DOCK2: variants seen among roughly 807,000 people sequenced by gnomAD.
The protein encoded by DOCK2 is dedicator of cytokinesis protein 2.
A neutral mutation model predicts 248.9 loss-of-function variants in DOCK2; 87 were observed. The observed-to-expected ratio is 0.35, with a 90% CI of 0.29 to 0.42. The LOEUF is 0.42. DOCK2 is among the 10% of genes least tolerant of loss of function. DOCK2 has a pLI of 1.00. For synonymous variants in DOCK2, 805 were observed against 821.6 expected (o/e 0.98, Z 0.35); for missense variants, 1,747 against 2,300.2 (o/e 0.76, Z 4.92).
intron 27 of DOCK2, among the ~76,000 whole-genome samples, chr5:169,845,364 G>A (rs1010910304): frequency 6.6e-6 from 1 of 151,996 alleles, no homozygotes; most frequent in East Asian, 1.9e-4. Context: ...TTATGACATT[G>A]TAAGGCAATT....
At chr5:170,080,309 G>A in intron 50 of DOCK2, 26 bp downstream of exon 50, 1 of 1,613,542 alleles carries the variant, frequency 6.2e-7, no homozygotes, top group Non-Finnish European at 8.5e-7. Flanking sequence ...CCACCAGCAT[G>A]AGGGAGTAGA....
intron 27 of DOCK2, among the ~76,000 whole-genome samples, chr5:169,855,710 A>G (rs1169790622): frequency 6.6e-6 from 1 of 152,210 alleles, no homozygotes; most frequent in Non-Finnish European, 1.5e-5. Flanking sequence ...CAATTAAACT[A>G]AACAACACTT....
intron 27 of DOCK2, among the ~76,000 whole-genome samples, chr5:169,978,386 T>TGGGGG (rs1561863630): frequency 3.6e-4 from 6 of 16,712 alleles, no homozygotes; most frequent in South Asian, 2.7e-3. Context: ...TGTGTGTGTG[T>TGGGGG]GTGTGTGGGG....
rs1244479879 is a variant in DOCK2 at position 169,691,802 on chromosome 5, C to T, written c.843+2469C>T. Among the ~76,000 whole-genome samples the T allele has an allele frequency of 2.0e-5, 3 of 152,086 alleles. No homozygotes were observed. In the East Asian group the frequency reaches 5.8e-4, roughly 29 times the overall value. ...CTCTGAGCCTGGCATGTGGGTCCAG[C>T]TGACTGTTGACTTTCCCTATGTTTT... On this transcript the variant is annotated intron_variant, in intron 9 of 51. Transcript: ENST00000520908.
rs113912915 is a variant in DOCK2, at chr5:169,748,116, C to T, written c.2376+612C>T. Among the ~76,000 whole-genome samples the T allele has an allele frequency of 4.2e-4, 64 of 151,262 alleles. 1 individual carries two copies. Among genetic ancestry groups the T allele is most frequent in the African/African-American group, 1.3e-3 (52 of 41,088 alleles). On this transcript the variant is annotated intron_variant, in intron 23 of 51. Transcript: ENST00000520908. ...GAGTGCCTGATGTGCTGTGAATAAACGAAGCCCAAACACATTTATCTAAAT... is the reference window on the plus strand; with the variant it reads ...GAGTGCCTGATGTGCTGTGAATAAATGAAGCCCAAACACATTTATCTAAAT...
rs187049078 is a variant in DOCK2 at position 169,788,565 on chromosome 5, C to G, written c.2555-14493C>G. Among the ~76,000 whole-genome samples the G allele has an allele frequency of 9.9e-5, 15 of 152,280 alleles. No individual in the cohort carries two copies. In the East Asian group the frequency reaches 2.5e-3, roughly 26 times the overall value. ...GCTATGGTTCCTGCAAGGAATTTGT[C>G]CTCTTCTATCCTAATGATCAACAAA... On this transcript the variant is annotated intron_variant, in intron 25 of 51. Coordinates refer to ENST00000520908, the MANE Select transcript of DOCK2 (RefSeq NM_004946.3).
Position 169,853,091 on chromosome 5 carries a change from A to G in DOCK2, c.2799+12239A>G, listed in dbSNP as rs553060598. On this transcript the variant is annotated intron_variant, in intron 27 of 51. Transcript: ENST00000520908. ...GTTTTCATGGTAGTGAATAAGTCTC[A>G]TGAGATCTGATGGCTTTAAAAAGGG... Among the ~76,000 whole-genome samples the G allele has an allele frequency of 5.3e-5, 8 of 152,364 alleles. No individual in the cohort carries two copies. The East Asian group carries it at 1.5e-3, about 29-fold the overall frequency.
At chr5:170,023,063 A>G (rs1341815499) in intron 33 of DOCK2, among the ~76,000 whole-genome samples, 1 of 152,076 alleles carries the variant, frequency 6.6e-6, no homozygotes, top group East Asian at 1.9e-4. Context: ...GGTGTTCTGG[A>G]TGCTATTGGT....
At chr5:169,683,028 C>T (rs1759754653) in intron 7 of DOCK2, among the ~76,000 whole-genome samples, 2 of 152,136 alleles carry the variant, frequency 1.3e-5, no homozygotes, top group Non-Finnish European at 2.9e-5. Flanking sequence ...ATAGCATTGA[C>T]CAATTATTGG....
chr5:169,829,585 G>A (rs569387397), intron 26 of DOCK2, among the ~76,000 whole-genome samples: 13 of 152,188 alleles, frequency 8.5e-5, no homozygotes, highest in South Asian at 2.1e-4. Context: ...CGTTAGGACC[G>A]TGTAGGTACA....
At chr5:169,915,557 AAC>A (rs56728646) in intron 27 of DOCK2, among the ~76,000 whole-genome samples, 6,776 of 143,298 alleles carry the variant, frequency 0.047, 220 homozygotes, top group African/African-American at 0.082. Flanking sequence ...ATTGACAGGG[AAC>A]ACACACACAC....
At chr5:169,893,048 C>T (rs1326835937) in intron 27 of DOCK2, among the ~76,000 whole-genome samples, 1 of 152,166 alleles carries the variant, frequency 6.6e-6, no homozygotes, top group Non-Finnish European at 1.5e-5. Context: ...CCTCTCTAGC[C>T]CCTTCTCTTG....
chr5:169,812,346 T>C (rs1271778392), intron 26 of DOCK2, among the ~76,000 whole-genome samples: 1 of 152,234 alleles, frequency 6.6e-6, no homozygotes, highest in Non-Finnish European at 1.5e-5. Context: ...CCTATCCCCC[T>C]GAGACGGGAC....
chr5:169,854,138 A>G (rs999929711), intron 27 of DOCK2, among the ~76,000 whole-genome samples: 1 of 150,046 alleles, frequency 6.7e-6, no homozygotes, highest in African/African-American at 2.4e-5. Flanking sequence ...CAACTTTGAC[A>G]CTATTTCTTT....
At position 169,702,419 on chromosome 5, in the gene DOCK2, A is replaced by G; in HGVS notation, c.1375A>G (p.Thr459Ala). ...GTGTGTGTGCGCGGAGGATGGCAAAACGCTGCCTGTAAGGGACTCACTGCT... is the reference window on the plus strand; with the variant it reads ...GTGTGTGTGCGCGGAGGATGGCAAAGCGCTGCCTGTAAGGGACTCACTGCT... ...IMCVCAEDGK[T>A]LPNAICVGAG... Residue 459 changes from threonine (T) to alanine (A), a missense_variant, in exon 14 of 52, where the codon ACG (threonine) becomes GCG (alanine). Thr to Ala is a moderately conservative substitution (Grantham distance 58). Around this residue, in one of 4 missense-constraint regions of DOCK2, gnomAD observed 858 missense variants for 1,183.5 expected, o/e 0.72. Transcript: ENST00000520908. The G allele has an allele frequency of 3.7e-6, 6 of 1,613,692 alleles. No individual in the cohort carries two copies. Among genetic ancestry groups the G allele is most frequent in the South Asian group, 2.2e-5 (2 of 91,050 alleles).
rs9313475 is a variant in DOCK2 at position 169,861,421 on chromosome 5, G to A, written c.2799+20569G>A. 2.4e-3 allele frequency among the ~76,000 whole-genome samples: 359 copies of A among 152,312 alleles called. 3 individuals are homozygous for A. The highest frequency in any genetic ancestry group is 8.3e-3 in the African/African-American group (346 of 41,572). ...TAAGAAGGTGCTCTATAGATGAGCT[G>A]GTATTAAGTTCCAAGGATAGTGAGT... is the stretch of plus-strand genomic sequence containing the variant. On this transcript the variant is annotated intron_variant, in intron 27 of 51. Transcript: ENST00000520908.
intron 26 of DOCK2, among the ~76,000 whole-genome samples, chr5:169,829,932 T>C (rs1485764459): frequency 6.6e-6 from 1 of 152,228 alleles, no homozygotes; most frequent in Non-Finnish European, 1.5e-5. Flanking sequence ...GAAAGTAGAC[T>C]GGAGATGCAG....
Position 169,639,639 on chromosome 5 carries a change from G to A in DOCK2, c.43+2270G>A, listed in dbSNP as rs142642482. Among the ~76,000 whole-genome samples the A allele has an allele frequency of 2.0e-5, 3 of 152,274 alleles. No individual in the cohort carries two copies. In the East Asian group the frequency reaches 5.8e-4, roughly 29 times the overall value. ...AGGATGCAGGGAAAAAGAAGGTCAT[G>A]GCTTTTCCCTTTAAAGACATTTTCC... is the stretch of plus-strand genomic sequence containing the variant. On this transcript the variant is annotated intron_variant, in intron 1 of 51. Transcript: ENST00000520908.
rs559776816 is a variant in DOCK2, at chr5:169,893,801, A to G, written c.2799+52949A>G. Reference sequence around the variant, plus strand: ...CAGGCCACTTCTAAGTTATTTTTCAATGTTGACGTGTCAACATTTTCCACA... The same window carrying G: ...CAGGCCACTTCTAAGTTATTTTTCAGTGTTGACGTGTCAACATTTTCCACA... On this transcript the variant is annotated intron_variant, in intron 27 of 51. Coordinates refer to ENST00000520908, the MANE Select transcript of DOCK2 (RefSeq NM_004946.3). Among the ~76,000 whole-genome samples the G allele has an allele frequency of 8.5e-5, 13 of 152,340 alleles. No individual in the cohort carries two copies. In the East Asian group the frequency reaches 1.2e-3, roughly 14 times the overall value.
Sources: allele counts gnomAD v4.1 joint callset (sites outside exome capture counted in the v4.1 genomes callset), GRCh38; gene constraint gnomAD v4.1.1; regional missense constraint gnomAD v4.1.1; transcripts MANE v1.5; gene names NCBI Gene and HGNC (gene_info 2026-07-23, HGNC 2026-07-21).